GPR161: variants seen among roughly 807,000 people sequenced by gnomAD.
The protein encoded by GPR161 is G-protein coupled receptor RE2.
Under a neutral mutation model 39.2 loss-of-function variants are expected in GPR161, and 25 were observed. The observed-to-expected ratio is 0.64, with a 90% CI of 0.47 to 0.89. The LOEUF (loss-of-function observed/expected upper bound fraction) is 0.89, where lower values mean the gene tolerates loss of function less well. GPR161 is among the 40% of genes least tolerant of loss of function. GPR161 has a pLI of 0.00. For synonymous variants in GPR161, 286 were observed against 276.6 expected (o/e 1.03, Z -0.34); for missense variants, 547 against 677.8 (o/e 0.81, Z 2.14).
intron 1 of GPR161, among the ~76,000 whole-genome samples, chr1:168,118,975 T>C (rs1697865597): frequency 6.6e-6 from 1 of 151,816 alleles, no homozygotes; most frequent in Non-Finnish European, 1.5e-5. Context: ...GCAACCCTTT[T>C]ACGCTGTTGG....
chr1:168,096,435 C>A, intron 3 of GPR161, 73 bp downstream of exon 3: 8 of 1,474,382 alleles, frequency 5.4e-6, no homozygotes, highest in Non-Finnish European at 7.4e-6. Context: ...CACCCACAAA[C>A]AGGCCAGAGT....
intron 1 of GPR161, among the ~76,000 whole-genome samples, chr1:168,116,518 G>C (rs923993227): frequency 6.6e-6 from 1 of 152,146 alleles, no homozygotes; most frequent in Non-Finnish European, 1.5e-5. Flanking sequence ...TAACCACCCT[G>C]TAACTGAGAT....
chr1:168,119,588 G>A (rs1697990673), intron 1 of GPR161, among the ~76,000 whole-genome samples: 1 of 152,064 alleles, frequency 6.6e-6, no homozygotes, highest in African/African-American at 2.4e-5. Flanking sequence ...GGTGATGGCT[G>A]CACGACAATA....
chr1:168,113,025 A>G (rs1697349927), intron 1 of GPR161, among the ~76,000 whole-genome samples: 1 of 152,200 alleles, frequency 6.6e-6, no homozygotes. Context: ...TGGAGTAGCG[A>G]AGGCACAAGC....
intron 1 of GPR161, among the ~76,000 whole-genome samples, chr1:168,115,114 A>G (rs1697515361): frequency 6.6e-6 from 1 of 152,146 alleles, no homozygotes. Context: ...CAGCAAATAA[A>G]GCAGAGGATG....
At chr1:168,104,036 T>G (rs1003606472) in intron 2 of GPR161, among the ~76,000 whole-genome samples, 4 of 152,150 alleles carry the variant, frequency 2.6e-5, no homozygotes, top group Non-Finnish European at 5.9e-5. Context: ...CCCCCTGCTC[T>G]CCTTTCAGTC....
chr1:168,117,663 A>C (rs1276514892), intron 1 of GPR161, among the ~76,000 whole-genome samples: 1 of 152,228 alleles, frequency 6.6e-6, no homozygotes, highest in African/African-American at 2.4e-5. Flanking sequence ...GAGGCTCAGA[A>C]AGGTAAGTGA....
At chr1:168,114,136 C>G (rs1697434963) in intron 1 of GPR161, among the ~76,000 whole-genome samples, 1 of 152,148 alleles carries the variant, frequency 6.6e-6, no homozygotes, top group Non-Finnish European at 1.5e-5. Context: ...TAGGTTCTTT[C>G]TATTATTTAA....
At position 168,085,740 on chromosome 1, in the gene GPR161, T is replaced by C. The variant is rs1366046430; in HGVS notation, c.1381A>G (p.Ser461Gly). Residue 461 changes from serine (S) to glycine (G), a missense_variant, in exon 6 of 6, where the codon AGT becomes GGT. Coordinates refer to ENST00000682931, the MANE Select transcript of GPR161 (RefSeq NM_001375883.1). The stretch of plus-strand genomic sequence containing the variant: ...GCTTTGGCCAAGCTTGCTGCGTAAC[T>C]GTCCAAGGACTTGTGTACTTCAGCT... ...VKAEVHKSLD[S>G]YAASLAKAIE... 7.4e-6 allele frequency: 12 copies of C among 1,614,048 alleles called. No homozygotes were observed. Among genetic ancestry groups the C allele is most frequent in the Non-Finnish European group, 1.0e-5 (12 of 1,179,992 alleles).
upstream of GPR161, chr1:168,137,651 C>T (rs1323965455): frequency 1.7e-6 from 1 of 573,570 alleles, no homozygotes; most frequent in East Asian, 2.9e-5. Flanking sequence ...TTCCCTTCCT[C>T]ACTCCCCACT....
At chr1:168,135,156 C>CTTCTCCCTGCCCTGT in intron 1 of GPR161, 3 of 1,261,990 alleles carry the variant, frequency 2.4e-6, no homozygotes, top group Non-Finnish European at 3.1e-6. Context: ...AGCTACAGGG[C>CTTCTCCCTGCCCTGT]AGGGAGAAGC....
At chr1:168,099,313 T>C (rs1170344630) in intron 2 of GPR161, among the ~76,000 whole-genome samples, 1 of 152,136 alleles carries the variant, frequency 6.6e-6, no homozygotes, top group Admixed American at 6.5e-5. Context: ...GCAGTGGGTC[T>C]AGGAAGGTTT....
In GPR161 at chr1:168,085,045, A is replaced by G; in HGVS notation, c.*486T>C. 1 of 456,418 alleles carries G rather than the reference A, an allele frequency of 2.2e-6. No homozygotes were observed. The highest frequency in any genetic ancestry group is 4.4e-6 in the Non-Finnish European group (1 of 227,092). The allele number at this position is 456,418 out of a possible 1,614,324, so 28.3% of individuals were successfully genotyped here. On this transcript the variant is annotated 3_prime_UTR_variant, in exon 6 of 6. Coordinates refer to ENST00000682931, the MANE Select transcript of GPR161 (RefSeq NM_001375883.1). Reference sequence around the variant, plus strand: ...GCATCAACCATGTAGAGGCACCAGGACGGTCGCGTGTCATTAGGAAGAAGT... The same window carrying G: ...GCATCAACCATGTAGAGGCACCAGGGCGGTCGCGTGTCATTAGGAAGAAGT...
At chr1:168,133,731 G>A (rs1699165649) in intron 1 of GPR161, 2 of 156,288 alleles carry the variant, frequency 1.3e-5, no homozygotes, top group African/African-American at 4.8e-5. Context: ...AAGTAACTGG[G>A]ACTACAGGTG....
At position 168,103,016 on chromosome 1, in the gene GPR161, G is replaced by A. The variant is rs369749536; in HGVS notation, c.374+1461C>T. On this transcript the variant is annotated intron_variant, in intron 2 of 5. Transcript: ENST00000682931. Reference sequence around the variant, plus strand: ...AGGTCATTTGCCTTTTATATATCAAGAATCTTGAAAGCATGTTTACTGTTA... The same window carrying A: ...AGGTCATTTGCCTTTTATATATCAAAAATCTTGAAAGCATGTTTACTGTTA... Among the ~76,000 whole-genome samples, 24 of 152,082 alleles carry A rather than the reference G, an allele frequency of 1.6e-4. No individual in the cohort carries two copies. The East Asian group carries it at 4.4e-3, about 28-fold the overall frequency.
At position 168,084,058 on chromosome 1, in the gene GPR161, A is replaced by G. The variant is rs1035412399; in HGVS notation, c.*1473T>C. 1.3e-5 allele frequency: 2 copies of G among 153,090 alleles called. No homozygotes were observed. Among genetic ancestry groups the G allele is most frequent in the Non-Finnish European group, 2.9e-5 (2 of 68,708 alleles). The allele number at this position is 153,090 out of a possible 1,614,324, so 9.5% of individuals were successfully genotyped here. A position where few individuals can be genotyped will look rare whatever the true frequency, so the allele number is the denominator to read the frequency against. On this transcript the variant is annotated 3_prime_UTR_variant, in exon 6 of 6. Transcript: ENST00000682931. Reference sequence around the variant, plus strand: ...AGTGGCTTCCCAAGTCATCACAGCAATTACTCCAGGACCAAACTTCAACTG... The same window carrying G: ...AGTGGCTTCCCAAGTCATCACAGCAGTTACTCCAGGACCAAACTTCAACTG...
At chr1:168,132,449 G>A (rs1413654667) in intron 1 of GPR161, among the ~76,000 whole-genome samples, 3 of 151,366 alleles carry the variant, frequency 2.0e-5, no homozygotes, top group East Asian at 3.9e-4. Flanking sequence ...TTAGCCGGGC[G>A]TGGTGGCAGG....
In GPR161 at chr1:168,082,374, A is replaced by C. The variant is rs113676830; in HGVS notation, c.*3157T>G. The C allele has an allele frequency of 7.8e-4, 119 of 152,392 alleles. No individual in the cohort carries two copies. Among genetic ancestry groups the C allele is most frequent in the African/African-American group, 2.7e-3 (111 of 41,594 alleles). 9.4% of individuals were successfully genotyped at this position (152,392 alleles called of 1,614,324 possible). On this transcript the variant is annotated 3_prime_UTR_variant, in exon 6 of 6. Transcript: ENST00000682931. The stretch of plus-strand genomic sequence containing the variant: ...AAAGGAATTCAAAACAAGAGTGCCC[A>C]GCCAGAGGCAAACAAGCTCTCAGGT...
At position 168,080,592 on chromosome 1, in the gene GPR161, G is replaced by A. The variant is rs1572215118; in HGVS notation, c.*4939C>T. 1 of 152,224 alleles carries A rather than the reference G, an allele frequency of 6.6e-6. No homozygotes were observed. The highest frequency in any genetic ancestry group is 2.4e-5 in the African/African-American group (1 of 41,436). 9.4% of individuals were successfully genotyped at this position (152,224 alleles called of 1,614,324 possible). On this transcript the variant is annotated 3_prime_UTR_variant, in exon 6 of 6. Coordinates refer to ENST00000682931, the MANE Select transcript of GPR161 (RefSeq NM_001375883.1). Reference sequence around the variant, plus strand: ...GGTAGCATCCCTGCCCTGCCTCTTAGGGGCTTGGAGGATTAGGGATTCTGT... The same window carrying A: ...GGTAGCATCCCTGCCCTGCCTCTTAAGGGCTTGGAGGATTAGGGATTCTGT...
Sources: gnomAD v4.1 joint callset for allele counts (sites outside exome capture counted in the v4.1 genomes callset) on GRCh38, gnomAD v4.1.1 for gene constraint, MANE v1.5 for transcripts, NCBI Gene and HGNC (gene_info 2026-07-23, HGNC 2026-07-21) for gene names.